The following GALNTL5 variants were observed in gnomAD, a reference collection of about 807,000 sequenced individuals.
The protein encoded by GALNTL5 is polypeptide N-acetylgalactosaminyltransferase like 5, also known as inactive polypeptide N-acetylgalactosaminyltransferase-like protein 5.
In GALNTL5, 44 loss-of-function variants were observed where a neutral mutation model predicts 51.0. That is an observed-to-expected ratio of 0.86 (90% confidence interval 0.68 to 1.11). The LOEUF (loss-of-function observed/expected upper bound fraction) is 1.11. Ranked by LOEUF, GALNTL5 falls within the 50% of genes least tolerant of loss-of-function variation. The pLI is 0.00. For synonymous variants in GALNTL5, 192 were observed against 182.8 expected (o/e 1.05, Z -0.41); for missense variants, 528 against 531.8 (o/e 0.99, Z 0.07).
intron 3 of GALNTL5, among the ~76,000 whole-genome samples, chr7:151,972,493 G>A (rs964844347): frequency 8.1e-6 from 1 of 123,568 alleles, no homozygotes; most frequent in African/African-American, 3.0e-5. Flanking sequence ...TGTCTCCAGG[G>A]CATTTCAGAG....
intron 3 of GALNTL5, among the ~76,000 whole-genome samples, chr7:151,980,601 A>C (rs931186688): frequency 2.0e-5 from 3 of 151,984 alleles, no homozygotes; most frequent in African/African-American, 7.3e-5. Context: ...AGACGAGGAC[A>C]AGGCCCTCTC....
chr7:151,999,192 A>G (rs777971933), intron 5 of GALNTL5, among the ~76,000 whole-genome samples: 8 of 152,134 alleles, frequency 5.3e-5, no homozygotes, highest in Non-Finnish European at 1.2e-4. Flanking sequence ...CACATGGTGG[A>G]TGTGTCAGTG....
At chr7:152,002,150 G>A (rs1463145874) in intron 5 of GALNTL5, among the ~76,000 whole-genome samples, 1 of 152,036 alleles carries the variant, frequency 6.6e-6, no homozygotes, top group Admixed American at 6.6e-5. Context: ...CATGTTGGCA[G>A]GCACCTGTAA....
chr7:151,994,008 A>C (rs1253956556), intron 5 of GALNTL5, among the ~76,000 whole-genome samples: 1 of 152,198 alleles, frequency 6.6e-6, no homozygotes, highest in East Asian at 1.9e-4. Flanking sequence ...TTTTGTTCAT[A>C]TCTTTGATGA....
intron 5 of GALNTL5, among the ~76,000 whole-genome samples, chr7:152,001,163 T>A (rs1004449188): frequency 6.6e-6 from 1 of 151,658 alleles, no homozygotes; most frequent in Non-Finnish European, 1.5e-5. Flanking sequence ...TCCACCCCCC[T>A]CAGCCTCCCA....
chr7:151,981,668 CTCTT>C (rs2081292999), intron 3 of GALNTL5, among the ~76,000 whole-genome samples: 1 of 138,830 alleles, frequency 7.2e-6, no homozygotes, highest in Non-Finnish European at 1.5e-5. Flanking sequence ...CTCCCTCCCC[CTCTT>C]CTTTCTTTCT....
At chr7:151,973,421 C>T (rs551308984) in intron 3 of GALNTL5, among the ~76,000 whole-genome samples, 1 of 151,836 alleles carries the variant, frequency 6.6e-6, no homozygotes, top group Non-Finnish European at 1.5e-5. Context: ...GCCAAGTTCA[C>T]ACCACTGCAC....
Position 152,007,869 on chromosome 7 carries a change from T to C in GALNTL5, c.951T>C (p.His317=). ...GAGGAATTTTTGCTATACGTCGGCA[T>C]TATTTTAATGAAATTGGACAGTATG... ...MSGGIFAIRR[H]YFNEIGQYDK... Residue 317 remains histidine, a synonymous_variant, in exon 7 of 9, where the codon CAT becomes CAC. Transcript: ENST00000392800. The C allele has an allele frequency of 6.2e-7, 1 of 1,613,212 alleles. No individual in the cohort carries two copies. The highest frequency in any genetic ancestry group is 8.5e-7 in the Non-Finnish European group (1 of 1,179,334).
intron 5 of GALNTL5, among the ~76,000 whole-genome samples, chr7:151,999,078 A>T (rs78175629): frequency 3.3e-5 from 5 of 152,094 alleles, no homozygotes; most frequent in Non-Finnish European, 5.9e-5. Flanking sequence ...GCAACCACCT[A>T]TCTGTGTTCT....
intron 6 of GALNTL5, among the ~76,000 whole-genome samples, chr7:152,005,374 A>G (rs1346019205): frequency 3.3e-5 from 5 of 152,176 alleles, no homozygotes; most frequent in African/African-American, 1.2e-4. Context: ...AGGGCAGAGC[A>G]AGGCCCTTTC....
At chr7:151,987,875 G>A (rs957431411) in intron 5 of GALNTL5, among the ~76,000 whole-genome samples, 9 of 152,214 alleles carry the variant, frequency 5.9e-5, no homozygotes, top group East Asian at 1.9e-4. Flanking sequence ...AAGGCTGCCC[G>A]TTAGGGAGAC....
At position 151,956,623 on chromosome 7, in the gene GALNTL5, G is replaced by GC. The variant is rs1277813856; in HGVS notation, c.-40+18dup. On this transcript the variant is annotated intron_variant, in intron 1 of 8. Coordinates refer to ENST00000392800, the MANE Select transcript of GALNTL5 (RefSeq NM_145292.4). ...ATTATCTCAAGGGTAGGTGAAGTGA[G>GC]CCCCATGTGCTAGAAGTGGGAACAA... 1 of 152,190 alleles carries GC rather than the reference G, an allele frequency of 6.6e-6. No homozygotes were observed. The highest frequency in any genetic ancestry group is 1.5e-5 in the Non-Finnish European group (1 of 68,054). The allele number at this position is 152,190 out of a possible 1,614,324, so 9.4% of individuals were successfully genotyped here.
intron 1 of GALNTL5, among the ~76,000 whole-genome samples, chr7:151,965,374 G>C (rs1195680316): frequency 6.6e-6 from 1 of 152,202 alleles, no homozygotes; most frequent in African/African-American, 2.4e-5. Flanking sequence ...GTTGAGTCAA[G>C]AGGGAGAGAA....
intron 3 of GALNTL5, among the ~76,000 whole-genome samples, chr7:151,975,769 A>G (rs1186418947): frequency 2.6e-5 from 4 of 151,274 alleles, no homozygotes; most frequent in African/African-American, 9.7e-5. Context: ...TTTTATTTCC[A>G]TTTGTCAAGA....
In GALNTL5 at chr7:151,985,257, A is replaced by G. The variant is rs909054358; in HGVS notation, c.536-1902A>G. Reference sequence around the variant, plus strand: ...CCGTAAGATCTGTCAACGTTCTCATACATTCATCACACATTGTGGTCCCCT... The same window carrying G: ...CCGTAAGATCTGTCAACGTTCTCATGCATTCATCACACATTGTGGTCCCCT... On this transcript the variant is annotated intron_variant, in intron 4 of 8. Coordinates refer to ENST00000392800, the MANE Select transcript of GALNTL5 (RefSeq NM_145292.4). 1.3e-4 allele frequency among the ~76,000 whole-genome samples: 20 copies of G among 152,290 alleles called. No individual in the cohort carries two copies. In the South Asian group the frequency reaches 3.9e-3, roughly 30 times the overall value.
intron 8 of GALNTL5, among the ~76,000 whole-genome samples, chr7:152,015,334 T>C (rs2081794168): frequency 6.6e-6 from 1 of 151,244 alleles, no homozygotes; most frequent in African/African-American, 2.4e-5. Flanking sequence ...AAATAGCTTC[T>C]CCTTGCCCCG....
rs75718878 is a variant in GALNTL5, at chr7:151,981,365, C to T, written c.369-1621C>T. On this transcript the variant is annotated intron_variant, in intron 3 of 8. Coordinates refer to ENST00000392800, the MANE Select transcript of GALNTL5 (RefSeq NM_145292.4). The stretch of plus-strand genomic sequence containing the variant: ...ATGTTAATTCATTGCATCTTCACAG[C>T]CCTTGGAGGTAGGTTGATATCGCTA... 6.6e-3 allele frequency among the ~76,000 whole-genome samples: 999 copies of T among 152,230 alleles called. 9 individuals carry two copies. Among genetic ancestry groups the T allele is most frequent in the African/African-American group, 0.02 (832 of 41,530 alleles).
chr7:151,997,658 C>A (rs2081516568), intron 5 of GALNTL5, among the ~76,000 whole-genome samples: 1 of 152,076 alleles, frequency 6.6e-6, no homozygotes, highest in Admixed American at 6.6e-5. Flanking sequence ...CATTTATGGT[C>A]TTTCTGGGTC....
At chr7:151,958,719 T>G (rs1049988843) in intron 1 of GALNTL5, among the ~76,000 whole-genome samples, 2 of 152,152 alleles carry the variant, frequency 1.3e-5, no homozygotes, top group African/African-American at 4.8e-5. Context: ...AAGGTTACAG[T>G]GTTACAGCTC....
Sources: allele counts gnomAD v4.1 joint callset (sites outside exome capture counted in the v4.1 genomes callset), GRCh38; gene constraint gnomAD v4.1.1; transcripts MANE v1.5; gene names NCBI Gene and HGNC (gene_info 2026-07-23, HGNC 2026-07-21).